ZFAND3: variants seen among roughly 807,000 people sequenced by gnomAD.
ZFAND3 encodes AN1-type zinc finger protein 3.
ZFAND3 carries 10 observed loss-of-function variants against 29.6 expected under a neutral mutation model. The observed-to-expected ratio is 0.34, with a 90% CI of 0.21 to 0.57. ZFAND3 has a LOEUF of 0.57. Ranked by LOEUF, ZFAND3 falls within the 20% of genes least tolerant of loss-of-function variation. ZFAND3 has a pLI of 0.86. For synonymous variants in ZFAND3, 128 were observed against 112.6 expected (o/e 1.14, Z -0.87); for missense variants, 230 against 304.5 (o/e 0.76, Z 1.82).
At chr6:37,823,508 A>G (rs1261288154) in intron 1 of ZFAND3, among the ~76,000 whole-genome samples, 1 of 152,146 alleles carries the variant, frequency 6.6e-6, no homozygotes, top group Non-Finnish European at 1.5e-5. Flanking sequence ...CAGGACACTA[A>G]TCAGTGTGGC....
At chr6:38,000,265 ATTCTT>A (rs1762922864) in intron 2 of ZFAND3, among the ~76,000 whole-genome samples, 1 of 152,188 alleles carries the variant, frequency 6.6e-6, no homozygotes, top group African/African-American at 2.4e-5. Flanking sequence ...TTAATTATAA[ATTCTT>A]CTCATCTAAT....
At chr6:38,074,395 A>G (rs1007469839) in intron 3 of ZFAND3, among the ~76,000 whole-genome samples, 4 of 152,216 alleles carry the variant, frequency 2.6e-5, no homozygotes, top group Admixed American at 6.5e-5. Flanking sequence ...ATAATTTCAT[A>G]TGGGATAAAT....
At chr6:37,875,680 G>C (rs2127389815) in intron 1 of ZFAND3, among the ~76,000 whole-genome samples, 1 of 151,236 alleles carries the variant, frequency 6.6e-6, no homozygotes, top group Non-Finnish European at 1.5e-5. Context: ...TGTGTTGTCA[G>C]GCTGGTCTTG....
intron 3 of ZFAND3, among the ~76,000 whole-genome samples, chr6:38,069,825 T>G (rs1051546596): frequency 1.5e-4 from 23 of 152,348 alleles, no homozygotes; most frequent in African/African-American, 5.5e-4. Flanking sequence ...TCATCTGACC[T>G]TCCATTTGTA....
At chr6:37,914,684 G>C (rs568645809) in intron 1 of ZFAND3, among the ~76,000 whole-genome samples, 53 of 26,840 alleles carry the variant, frequency 2.0e-3, no homozygotes, top group Non-Finnish European at 4.1e-3. Context: ...TTTTTTTTTA[G>C]TGGAGACGGG....
At chr6:37,986,970 T>C (rs932904536) in intron 2 of ZFAND3, among the ~76,000 whole-genome samples, 4 of 152,236 alleles carry the variant, frequency 2.6e-5, no homozygotes, top group Non-Finnish European at 5.9e-5. Context: ...CTCATTCAGA[T>C]AGCCCACAAC....
intron 5 of ZFAND3, among the ~76,000 whole-genome samples, chr6:38,122,451 A>G (rs980493742): frequency 2.6e-5 from 4 of 152,206 alleles, no homozygotes; most frequent in African/African-American, 9.7e-5. Flanking sequence ...GGATATGGAC[A>G]ACCGACTGAA....
chr6:37,930,266 A>G (rs1489408678), intron 2 of ZFAND3, among the ~76,000 whole-genome samples: 1 of 152,212 alleles, frequency 6.6e-6, no homozygotes, highest in Non-Finnish European at 1.5e-5. Flanking sequence ...GTTGGTATAC[A>G]GTAGAACTGT....
At chr6:37,914,662 C>CTTT (rs1327923079) in intron 1 of ZFAND3, among the ~76,000 whole-genome samples, 42 of 62,514 alleles carry the variant, frequency 6.7e-4, no homozygotes, top group Middle Eastern at 6.3e-3. Flanking sequence ...TTCTTTCTTT[C>CTTT]TTTTTTTTTC....
intron 1 of ZFAND3, among the ~76,000 whole-genome samples, chr6:37,836,654 A>G (rs1763973705): frequency 6.6e-6 from 1 of 152,214 alleles, no homozygotes; most frequent in African/African-American, 2.4e-5. Context: ...TGTTGTAATT[A>G]CATCCTATGT....
At chr6:38,032,773 A>G (rs1561973468) in intron 2 of ZFAND3, among the ~76,000 whole-genome samples, 2 of 152,260 alleles carry the variant, frequency 1.3e-5, no homozygotes, top group African/African-American at 4.8e-5. Flanking sequence ...AGTAGATGCC[A>G]TGTCTTATCT....
chr6:37,838,527 T>A (rs2127372299), intron 1 of ZFAND3, among the ~76,000 whole-genome samples: 1 of 152,372 alleles, frequency 6.6e-6, no homozygotes, highest in African/African-American at 2.4e-5. Context: ...ATCTACTTTC[T>A]GGTTCTATGG....
intron 1 of ZFAND3, among the ~76,000 whole-genome samples, chr6:37,876,574 T>C (rs755962626): frequency 1.3e-5 from 2 of 152,242 alleles, no homozygotes; most frequent in Non-Finnish European, 2.9e-5. Context: ...CTTGTATATA[T>C]TCATGTAGTT....
chr6:37,913,033 C>T (rs2127405698), intron 1 of ZFAND3, among the ~76,000 whole-genome samples: 1 of 152,216 alleles, frequency 6.6e-6, no homozygotes, highest in African/African-American at 2.4e-5. Context: ...TATATTTTTG[C>T]TTAAAAATCT....
chr6:38,055,427 A>G (rs1202240132), intron 2 of ZFAND3, among the ~76,000 whole-genome samples: 2 of 152,202 alleles, frequency 1.3e-5, no homozygotes, highest in East Asian at 3.8e-4. Flanking sequence ...GGAAGAGCAC[A>G]AACATTAAGA....
At chr6:37,989,354 A>G (rs563273809) in intron 2 of ZFAND3, among the ~76,000 whole-genome samples, 112 of 152,344 alleles carry the variant, frequency 7.4e-4, no homozygotes, top group African/African-American at 2.5e-3. Flanking sequence ...GAAGGCTGGG[A>G]AGTCCAAGAT....
chr6:37,972,646 G>T (rs564075234), intron 2 of ZFAND3, among the ~76,000 whole-genome samples: 2 of 151,888 alleles, frequency 1.3e-5, no homozygotes, highest in Non-Finnish European at 2.9e-5. Context: ...GTTGGACCAG[G>T]TGCTATACTT....
intron 2 of ZFAND3, among the ~76,000 whole-genome samples, chr6:38,004,591 C>T (rs935360863): frequency 5.3e-5 from 8 of 151,362 alleles, no homozygotes; most frequent in East Asian, 1.9e-4. Context: ...TCAGATTGAA[C>T]GGTATTAAAT....
At chr6:37,952,980 G>A (rs932474072) in intron 2 of ZFAND3, among the ~76,000 whole-genome samples, 4 of 150,896 alleles carry the variant, frequency 2.7e-5, no homozygotes, top group South Asian at 4.3e-4. Context: ...TATTTTTTCC[G>A]TAGTTTTTTT....
Sources: allele counts gnomAD v4.1 joint callset (sites outside exome capture counted in the v4.1 genomes callset), GRCh38; gene constraint gnomAD v4.1.1; transcripts MANE v1.5; gene names NCBI Gene and HGNC (gene_info 2026-07-23, HGNC 2026-07-21).